ZNF385D: variants seen among roughly 807,000 people sequenced by gnomAD.
ZNF385D encodes the protein zinc finger protein 385D.
A neutral mutation model predicts 35.8 loss-of-function variants in ZNF385D; 15 were observed. The observed-to-expected ratio is 0.42, with a 90% CI of 0.28 to 0.64. ZNF385D has a LOEUF of 0.64. Ranked by LOEUF, ZNF385D falls within the 30% of genes least tolerant of loss-of-function variation. The pLI is 0.23. For synonymous variants in ZNF385D, 212 were observed against 186.8 expected (o/e 1.13, Z -1.10); for missense variants, 474 against 494.6 (o/e 0.96, Z 0.39).
Position 21,636,400 on chromosome 3 carries a change from A to ATGAT in ZNF385D, c.165+28485_165+28486insATCA, listed in dbSNP as rs1426416043. Among the ~76,000 whole-genome samples, 97 of 41,918 alleles carry ATGAT rather than the reference A, an allele frequency of 2.3e-3. 1 individual carries two copies. Among genetic ancestry groups the ATGAT allele is most frequent in the African/African-American group, 9.6e-3 (92 of 9,536 alleles). 27.5% of individuals were successfully genotyped at this position (41,918 alleles called of 152,430 possible). Reference sequence around the variant, plus strand: ...TGATTATATATATATATATATATATATATATATATATATAGAGTTTCTTAA... The same window carrying ATGAT: ...TGATTATATATATATATATATATATATGATTATATATATATATAGAGTTTCTTAA... On this transcript the variant is annotated intron_variant, in intron 2 of 7. Transcript: ENST00000281523.
intron 3 of ZNF385D, among the ~76,000 whole-genome samples, chr3:22,093,507 C>A (rs2125607127): frequency 6.6e-6 from 1 of 152,010 alleles, no homozygotes; most frequent in Admixed American, 6.6e-5. Context: ...TATTAAAGGT[C>A]TATTTATTTA....
intron 3 of ZNF385D, among the ~76,000 whole-genome samples, chr3:22,148,526 T>G (rs770952214): frequency 3.9e-5 from 6 of 152,180 alleles, no homozygotes; most frequent in Admixed American, 2.0e-4. Flanking sequence ...ATGGCATCCA[T>G]GTGGCTACAA....
chr3:21,810,942 T>TCA (rs147772773), intron 3 of ZNF385D, among the ~76,000 whole-genome samples: 7 of 146,898 alleles, frequency 4.8e-5, no homozygotes, highest in South Asian at 4.3e-4. Context: ...ACACAGCACA[T>TCA]CACACACACA....
chr3:22,026,170 CAG>C (rs1417425031), intron 3 of ZNF385D, among the ~76,000 whole-genome samples: 1 of 151,990 alleles, frequency 6.6e-6, no homozygotes, highest in Non-Finnish European at 1.5e-5. Flanking sequence ...ATTATACAAA[CAG>C]AAAAAAATTC....
chr3:21,575,201 A>G (rs1029714078), intron 2 of ZNF385D, among the ~76,000 whole-genome samples: 2 of 152,244 alleles, frequency 1.3e-5, no homozygotes, highest in South Asian at 4.1e-4. Context: ...TCTACTTTCT[A>G]TGGGATTTGA....
chr3:21,801,596 C>G (rs906477109), intron 3 of ZNF385D, among the ~76,000 whole-genome samples: 3 of 152,146 alleles, frequency 2.0e-5, no homozygotes, highest in African/African-American at 7.2e-5. Flanking sequence ...AAAACGTTCA[C>G]ATTCTTAATC....
chr3:21,812,362 G>GCAGC (rs1249835262), intron 3 of ZNF385D, among the ~76,000 whole-genome samples: 28 of 152,368 alleles, frequency 1.8e-4, no homozygotes, highest in Non-Finnish European at 3.5e-4. Flanking sequence ...GACAGTGGGG[G>GCAGC]CAGCCCATGG....
chr3:21,438,259 C>G (rs757598525), intron 4 of ZNF385D, among the ~76,000 whole-genome samples: 1 of 152,148 alleles, frequency 6.6e-6, no homozygotes, highest in Non-Finnish European at 1.5e-5. Context: ...TCTTAACTTC[C>G]TCTCCAAAAT....
intron 1 of ZNF385D, among the ~76,000 whole-genome samples, chr3:21,725,769 C>T (rs1442720095): frequency 6.6e-6 from 1 of 152,146 alleles, no homozygotes; most frequent in African/African-American, 2.4e-5. Context: ...GTAGCTGGTA[C>T]CATTCCTTCT....
intron 3 of ZNF385D, among the ~76,000 whole-genome samples, chr3:22,012,577 A>T (rs1300032608): frequency 1.3e-5 from 2 of 150,778 alleles, no homozygotes; most frequent in East Asian, 2.0e-4. Flanking sequence ...GACCAGACTG[A>T]TAATAAAACA....
intron 2 of ZNF385D, among the ~76,000 whole-genome samples, chr3:22,175,889 G>A (rs1010307696): frequency 6.7e-6 from 1 of 148,718 alleles, no homozygotes; most frequent in Non-Finnish European, 1.5e-5. Context: ...TTATTTTACT[G>A]TTATGGTAAA....
chr3:22,238,625 T>A (rs1699319304), intron 2 of ZNF385D, among the ~76,000 whole-genome samples: 1 of 151,232 alleles, frequency 6.6e-6, no homozygotes, highest in Non-Finnish European at 1.5e-5. Flanking sequence ...GATTTTTATC[T>A]ATTGATCTTT....
intron 3 of ZNF385D, among the ~76,000 whole-genome samples, chr3:22,002,664 T>A (rs1695929100): frequency 6.6e-6 from 1 of 152,114 alleles, no homozygotes; most frequent in Non-Finnish European, 1.5e-5. Context: ...TCAATATCCT[T>A]AATGAACACA....
chr3:21,545,492 G>A (rs1488456631), intron 3 of ZNF385D, among the ~76,000 whole-genome samples: 1 of 152,120 alleles, frequency 6.6e-6, no homozygotes, highest in East Asian at 1.9e-4. Flanking sequence ...TAATAAATAA[G>A]GTATACACTC....
intron 4 of ZNF385D, among the ~76,000 whole-genome samples, chr3:21,470,848 G>A (rs1703836776): frequency 6.6e-6 from 1 of 151,964 alleles, no homozygotes; most frequent in South Asian, 2.1e-4. Flanking sequence ...CAGCCACAAT[G>A]GGCCCAGTAT....
intron 1 of ZNF385D, among the ~76,000 whole-genome samples, chr3:21,719,058 G>T (rs1343717129): frequency 6.6e-6 from 1 of 152,160 alleles, no homozygotes; most frequent in Non-Finnish European, 1.5e-5. Context: ...CTATTATCTT[G>T]CATTTGGGCC....
chr3:21,886,952 C>T (rs955296522), intron 3 of ZNF385D, among the ~76,000 whole-genome samples: 1 of 152,104 alleles, frequency 6.6e-6, no homozygotes, highest in Non-Finnish European at 1.5e-5. Flanking sequence ...GTCTGCCACT[C>T]CATTCAACGC....
intron 3 of ZNF385D, among the ~76,000 whole-genome samples, chr3:21,554,354 C>T (rs1575164546): frequency 1.3e-5 from 2 of 152,070 alleles, no homozygotes; most frequent in East Asian, 3.9e-4. Flanking sequence ...ATCTTTTTTT[C>T]TGAGCAATAA....
chr3:21,585,690 C>A (rs949956924), intron 2 of ZNF385D, among the ~76,000 whole-genome samples: 4 of 152,144 alleles, frequency 2.6e-5, no homozygotes, highest in African/African-American at 9.7e-5. Context: ...TCAAACTACT[C>A]CAAAACATTC....
Sources: allele counts gnomAD v4.1 joint callset (sites outside exome capture counted in the v4.1 genomes callset), GRCh38; gene constraint gnomAD v4.1.1; transcripts MANE v1.5; gene names NCBI Gene and HGNC (gene_info 2026-07-23, HGNC 2026-07-21).